Variants in SAMD4B observed in about 807,000 individuals in gnomAD.
The protein encoded by SAMD4B is protein Smaug homolog 2.
In SAMD4B, 5 loss-of-function variants were observed where a neutral mutation model predicts 74.5. That is an observed-to-expected ratio of 0.07 (90% CI 0.04 to 0.14). The LOEUF is 0.14. SAMD4B is among the 10% of genes least tolerant of loss of function. The pLI is 1.00. For synonymous variants in SAMD4B, 373 were observed against 374.9 expected, an observed-to-expected ratio of 1.00 and a Z score of 0.06; for missense variants, 608 against 921.8, an observed-to-expected ratio of 0.66 and a Z score of 4.41.
chr19:39,379,306 C>G (rs1448888427), intron 9 of SAMD4B, among the ~76,000 whole-genome samples: 4 of 152,168 alleles, frequency 2.6e-5, no homozygotes, highest in Admixed American at 6.5e-5. Flanking sequence ...CCAGCCCGTA[C>G]ATACTCTTTT....
At chr19:39,364,192 C>T (rs573714919) in intron 3 of SAMD4B, among the ~76,000 whole-genome samples, 4 of 152,224 alleles carry the variant, frequency 2.6e-5, no homozygotes, top group Admixed American at 1.3e-4. Context: ...CCTGGCAGTA[C>T]CAGAGAAGCT....
chr19:39,377,107 A>G (rs774024514), intron 7 of SAMD4B, among the ~76,000 whole-genome samples: 1 of 152,074 alleles, frequency 6.6e-6, no homozygotes, highest in African/African-American at 2.4e-5. Flanking sequence ...TGTCTGTACA[A>G]TCTCTCTTTC....
chr19:39,357,085 T>C lies in SAMD4B; in HGVS notation c.192T>C (p.Ser64=). 3 of 1,605,734 alleles carry C rather than the reference T, an allele frequency of 1.9e-6. No homozygotes were observed. Among genetic ancestry groups the C allele is most frequent in the South Asian group, 2.2e-5 (2 of 90,516 alleles). The change falls in exon 3 of 14, where the codon AGT becomes AGC. Residue 64 remains serine (S), a synonymous_variant. Coordinates refer to ENST00000610417, the MANE Select transcript of SAMD4B (RefSeq NM_001384574.2). The part of the protein sequence containing the change: ...DIHLLESEAN[S]AAIVSQWQQE... ...ACCTGCTGGAGTCGGAGGCCAACAG[T>C]GCTGGTGAGTTTCCACCCTTAGAGA...
At chr19:39,372,711 TC>T (rs920883351) in intron 4 of SAMD4B, among the ~76,000 whole-genome samples, 1 of 152,060 alleles carries the variant, frequency 6.6e-6, no homozygotes, top group Non-Finnish European at 1.5e-5. Flanking sequence ...GCACGATCAT[TC>T]CAGTCAGGGT....
rs767310005 is a variant in SAMD4B, at chr19:39,369,982, G to C, written c.524G>C (p.Trp175Ser). 7.4e-6 allele frequency: 12 copies of C among 1,612,684 alleles called. No homozygotes were observed. The highest frequency in any genetic ancestry group is 4.5e-5 in the East Asian group (2 of 44,828). Reference protein sequence around the residue: ...SYHSRQGSDEWGGPAELGPGE... With the variant: ...SYHSRQGSDESGGPAELGPGE... The stretch of plus-strand genomic sequence containing the variant: ...CATTCACGTCAAGGCTCAGATGAGT[G>C]GGGGGGCCCTGCAGAGCTAGGCCCT... The change falls in exon 4 of 14, where the codon TGG becomes TCG. Residue 175 changes from tryptophan to serine, a missense_variant. By Grantham distance (177) the Trp-to-Ser change is radical. Coordinates refer to ENST00000610417, the MANE Select transcript of SAMD4B (RefSeq NM_001384574.2).
intron 4 of SAMD4B, among the ~76,000 whole-genome samples, chr19:39,372,025 G>A (rs1200190815): frequency 6.6e-6 from 1 of 152,132 alleles, no homozygotes; most frequent in Non-Finnish European, 1.5e-5. Flanking sequence ...ACCCAGGCAG[G>A]GTGCCTATAA....
Position 39,376,923 on chromosome 19 carries a change from TC to T in SAMD4B, c.1104+133del, listed in dbSNP as rs2077632010. 5.9e-6 allele frequency: 4 copies of T among 678,464 alleles called. No homozygotes were observed. In the Admixed American group the frequency reaches 1.1e-4, roughly 18 times the overall value. The allele number at this position is 678,464 out of a possible 1,614,324, so 42.0% of individuals were successfully genotyped here. A position where few individuals can be genotyped will look rare whatever the true frequency, so the allele number is the denominator to read the frequency against. On this transcript the variant is annotated intron_variant, in intron 7 of 13. Coordinates refer to ENST00000610417, the MANE Select transcript of SAMD4B (RefSeq NM_001384574.2). Reference sequence around the variant, plus strand: ...ATTCCCAGCCCTAGGGACCCAGACTTCAGGGACCACATGCAAGCCGGCATCA... The same window carrying T: ...ATTCCCAGCCCTAGGGACCCAGACTTAGGGACCACATGCAAGCCGGCATCA...
chr19:39,349,640 T>C (rs1456551407), intron 1 of SAMD4B, among the ~76,000 whole-genome samples: 1 of 152,216 alleles, frequency 6.6e-6, no homozygotes, highest in Non-Finnish European at 1.5e-5. Context: ...GTTATGAAAG[T>C]GAGTTAACCC....
At chr19:39,353,679 G>A (rs1304819129) in intron 1 of SAMD4B, among the ~76,000 whole-genome samples, 1 of 152,108 alleles carries the variant, frequency 6.6e-6, no homozygotes, top group African/African-American at 2.4e-5. Context: ...TCGGCTCACT[G>A]CAGCCTCCAC....
chr19:39,381,252 C>T, intron 12 of SAMD4B, 139 bp downstream of exon 12: 1 of 1,030,908 alleles, frequency 9.7e-7, no homozygotes, highest in Non-Finnish European at 1.4e-6. Context: ...CTGCACCCAT[C>T]TCCCCCAATT....
chr19:39,345,577 A>G (rs2075647111), intron 1 of SAMD4B, among the ~76,000 whole-genome samples: 1 of 152,104 alleles, frequency 6.6e-6, no homozygotes, highest in East Asian at 1.9e-4. Flanking sequence ...CTTACTGCCA[A>G]GACCCCTCCA....
chr19:39,382,490 A>G (rs993341832), intron 12 of SAMD4B, among the ~76,000 whole-genome samples: 3 of 152,176 alleles, frequency 2.0e-5, no homozygotes, highest in Admixed American at 1.3e-4. Flanking sequence ...ACATGAGCTC[A>G]GGGTTCAGAG....
intron 1 of SAMD4B, among the ~76,000 whole-genome samples, chr19:39,344,667 G>A (rs530086591): frequency 6.6e-6 from 1 of 152,004 alleles, no homozygotes; most frequent in South Asian, 2.1e-4. Flanking sequence ...TTTCTCAGGG[G>A]GCCCCCTTTT....
chr19:39,386,466 G>A (rs781435996), downstream of SAMD4B: 4 of 1,614,144 alleles, frequency 2.5e-6, no homozygotes, highest in Non-Finnish European at 3.4e-6. This position sits in a 1 kb window ranked among gnomAD's most constrained non-coding sequence, Gnocchi z 6.1. Context: ...CCAGAGTCTG[G>A]CCTGTCCAGA....
At chr19:39,370,215 A>G (rs372028111) in intron 4 of SAMD4B, 90 bp downstream of exon 4, 11 of 1,283,006 alleles carry the variant, frequency 8.6e-6, no homozygotes, top group East Asian at 7.6e-5. Context: ...GTGGCATTAG[A>G]CAAGTCACAT....
chr19:39,350,139 A>G (rs576643494), intron 1 of SAMD4B: 46 of 152,372 alleles, frequency 3.0e-4, no homozygotes, highest in African/African-American at 1.1e-3. Flanking sequence ...CTGACAATGT[A>G]TGATGTATGA....
intron 1 of SAMD4B, among the ~76,000 whole-genome samples, chr19:39,343,602 C>T (rs1203727610): frequency 6.6e-6 from 1 of 151,712 alleles, no homozygotes; most frequent in East Asian, 1.9e-4. Context: ...CTAAAATGCC[C>T]TAGAGATCAC....
intron 3 of SAMD4B, among the ~76,000 whole-genome samples, chr19:39,366,917 T>C (rs1281015252): frequency 6.6e-6 from 1 of 152,208 alleles, no homozygotes; most frequent in Non-Finnish European, 1.5e-5. Context: ...CCCAGAGATT[T>C]GGCTTGTGCC....
At position 39,380,665 on chromosome 19, in the gene SAMD4B, CCCA is replaced by C. The variant is rs775263913; in HGVS notation, c.1729_1731del (p.Pro577del). 1.1e-5 allele frequency: 18 copies of C among 1,613,826 alleles called. No homozygotes were observed. In the South Asian group the frequency reaches 1.9e-4, roughly 17 times the overall value. The stretch of plus-strand genomic sequence containing the variant: ...TGGCCCGGCGTACCCAGCGGCAGTT[CCCA>C]ATGCCTCCCCGGGCCCTCCCACCCG... On this transcript the variant is annotated inframe_deletion, in exon 11 of 14. Coordinates refer to ENST00000610417, the MANE Select transcript of SAMD4B (RefSeq NM_001384574.2).
Sources: allele counts gnomAD v4.1 joint callset (sites outside exome capture counted in the v4.1 genomes callset), GRCh38; gene constraint gnomAD v4.1.1; non-coding constraint Gnocchi (gnomAD v3.1); transcripts MANE v1.5; gene names NCBI Gene and HGNC (gene_info 2026-07-23, HGNC 2026-07-21).